FBXL16: variants seen among roughly 807,000 people sequenced by gnomAD.
FBXL16 encodes F-box and leucine rich repeat protein 16, also known as F-box/LRR-repeat protein 16.
In FBXL16, 7 loss-of-function variants were observed where a neutral mutation model predicts 36.7. The observed-to-expected ratio is 0.19, with a 90% CI of 0.11 to 0.36. FBXL16 has a LOEUF of 0.36. Among genes scored for constraint, FBXL16 ranks in the 10% least tolerant of loss-of-function variants. The probability of loss-of-function intolerance (pLI) is 1.00; values close to 1 mark genes in which losing one functional copy is unlikely to be tolerated. For synonymous variants in FBXL16, 355 were observed against 308.7 expected, an observed-to-expected ratio of 1.15 and a Z score of -1.57; for missense variants, 463 against 659.4, an observed-to-expected ratio of 0.70 and a Z score of 3.26.
intron 2 of FBXL16, 121 bp downstream of exon 2, chr16:696,652 G>A (rs2040013569): frequency 2.0e-6 from 1 of 512,812 alleles, no homozygotes; most frequent in Non-Finnish European, 2.6e-6. Context: ...TTTGCGCGAG[G>A]TCCCCTGTAG....
Position 705,509 on chromosome 16 carries a change from TA to T in FBXL16, c.-15+2del, listed in dbSNP as rs1167403297. On this transcript the variant is annotated splice_donor_variant, in intron 1 of 5. Transcript: ENST00000397621. LOFTEE classifies it low-confidence loss of function (5UTR_SPLICE). ...CCGCAGCCCGGCCGCACGCGCACCT[TA>T]CCTCGGCCCGGGCTCCTGGCTCATG... 1 of 143,902 alleles carries T rather than the reference TA, an allele frequency of 6.9e-6. No homozygotes were observed. The highest frequency in any genetic ancestry group is 1.5e-5 in the Non-Finnish European group (1 of 65,628). The allele number at this position is 143,902 out of a possible 1,614,324, so 8.9% of individuals were successfully genotyped here.
intron 1 of FBXL16, among the ~76,000 whole-genome samples, chr16:704,192 G>A (rs1394301827): frequency 1.3e-5 from 2 of 152,224 alleles, no homozygotes; most frequent in African/African-American, 4.8e-5. Flanking sequence ...AGCAACACAA[G>A]GCTTCCTGGG....
chr16:700,615 G>T (rs1235184113), intron 1 of FBXL16, among the ~76,000 whole-genome samples: 2 of 152,140 alleles, frequency 1.3e-5, no homozygotes, highest in Non-Finnish European at 2.9e-5. Flanking sequence ...AGGGGATATC[G>T]CAGGATGCCG....
intron 1 of FBXL16, among the ~76,000 whole-genome samples, chr16:700,036 G>A (rs1046736290): frequency 6.6e-6 from 1 of 152,122 alleles, no homozygotes; most frequent in Non-Finnish European, 1.5e-5. Context: ...TGGTCAGGGG[G>A]GAGGGGAGGC....
chr16:694,659 C>T lies in FBXL16; in HGVS notation c.1266G>A (p.Gly422=), dbSNP rs1258825759. 2 of 1,610,118 alleles carry T rather than the reference C, an allele frequency of 1.2e-6. No individual in the cohort carries two copies. The highest frequency in any genetic ancestry group is 1.7e-5 in the Admixed American group (1 of 59,672). ...DFGLKHLLAL[G]SLRLLSLAGC... is the part of the protein sequence containing the mutation. ...CTGCCAGAGACAGGAGGCGCAAACT[C>T]CCCAGGGCCAGGAGGTGCTTCAGCC... The change falls in exon 5 of 6, where the codon GGG becomes GGA. Residue 422 remains glycine (G), a synonymous_variant. Coordinates refer to ENST00000397621, the MANE Select transcript of FBXL16 (RefSeq NM_153350.4).
intron 1 of FBXL16, among the ~76,000 whole-genome samples, chr16:702,506 C>T (rs528230797): frequency 6.2e-4 from 94 of 152,270 alleles, no homozygotes; most frequent in Non-Finnish European, 1.0e-3. Flanking sequence ...TCTGCATGTT[C>T]GCGGAATGAA....
At chr16:696,648 C>T (rs1243281815) in intron 2 of FBXL16, 125 bp downstream of exon 2, 11 of 949,796 alleles carry the variant, frequency 1.2e-5, no homozygotes, top group East Asian at 7.2e-5. Context: ...TCGCTTTGCG[C>T]GAGGTCCCCT....
rs371900283 is a variant in FBXL16, at chr16:696,992, C to T, written c.414G>A (p.Thr138=). Residue 138 remains threonine, a synonymous_variant, in exon 2 of 6, where the codon ACG becomes ACA. Transcript: ENST00000397621. ...LYQPKFWAGL[T]PVLHAKELYN... ...AGAGCTCCTTGGCATGCAGCACCGG[C>T]GTGAGGCCTGCCCAGAACTTGGGCT... 2.8e-5 allele frequency: 45 copies of T among 1,595,032 alleles called. No homozygotes were observed. Among genetic ancestry groups the T allele is most frequent in the African/African-American group, 9.4e-5 (7 of 74,528 alleles).
intron 1 of FBXL16, among the ~76,000 whole-genome samples, chr16:701,781 G>A (rs547189486): frequency 3.9e-5 from 6 of 152,336 alleles, no homozygotes; most frequent in African/African-American, 7.2e-5. Flanking sequence ...GTGCTAATAC[G>A]GGGAAGAGAC....
Position 692,569 on chromosome 16 carries a change from T to C in FBXL16, c.*1706A>G, listed in dbSNP as rs2039979035. The C allele has an allele frequency of 6.6e-6, 1 of 152,434 alleles. No homozygotes were observed. The highest frequency in any genetic ancestry group is 2.1e-4 in the South Asian group (1 of 4,836). 9.4% of individuals were successfully genotyped at this position (152,434 alleles called of 1,614,324 possible). On this transcript the variant is annotated 3_prime_UTR_variant, in exon 6 of 6. Coordinates refer to ENST00000397621, the MANE Select transcript of FBXL16 (RefSeq NM_153350.4). The stretch of plus-strand genomic sequence containing the variant: ...GTGATAAAATAGCACAAGAAACACT[T>C]ACCAAATATAAGGTTATATCTTCCG...
rs1160408796 is a variant in FBXL16 at position 693,238 on chromosome 16, G to C, written c.*1037C>G. On this transcript the variant is annotated 3_prime_UTR_variant, in exon 6 of 6. Transcript: ENST00000397621. The stretch of plus-strand genomic sequence containing the variant: ...TCCTCGGGGTGTCTAGGGTGTGCTG[G>C]CCACTGGAAGATTGGAGTCGCTGAC... The C allele has an allele frequency of 6.6e-6, 1 of 152,288 alleles. No individual in the cohort carries two copies. Among genetic ancestry groups the C allele is most frequent in the East Asian group, 1.9e-4 (1 of 5,186 alleles). The allele number at this position is 152,288 out of a possible 1,614,324, so 9.4% of individuals were successfully genotyped here. A position where few individuals can be genotyped will look rare whatever the true frequency, so the allele number is the denominator to read the frequency against.
intron 5 of FBXL16, 38 bp downstream of exon 5, chr16:694,596 G>A (rs758015571): frequency 6.3e-7 from 1 of 1,585,358 alleles, no homozygotes. Context: ...GGGGGTGGGT[G>A]GTCACTGCCA....
intron 1 of FBXL16, among the ~76,000 whole-genome samples, chr16:700,767 G>A (rs974128050): frequency 2.0e-5 from 3 of 152,144 alleles, no homozygotes; most frequent in Non-Finnish European, 4.4e-5. Context: ...GACCCCGCCG[G>A]CCGGCGCGCC....
chr16:702,774 C>T (rs929944445), intron 1 of FBXL16, among the ~76,000 whole-genome samples: 6 of 152,172 alleles, frequency 3.9e-5, no homozygotes, highest in Non-Finnish European at 8.8e-5. Flanking sequence ...GACCCCAGGG[C>T]TGGGGTGGGC....
In FBXL16 at chr16:694,494, T is replaced by C; in HGVS notation, c.1292-71A>G. The stretch of plus-strand genomic sequence containing the variant: ...CGGGCGGGGACGGCCGGGCCGCGCC[T>C]CCCTCCTCCTCCGCCTCGGACCCGG... On this transcript the variant is annotated intron_variant, in intron 5 of 5. Transcript: ENST00000397621. The C allele has an allele frequency of 2.7e-6, 4 of 1,487,346 alleles. No homozygotes were observed. In the Admixed American group the frequency reaches 8.7e-5, roughly 32 times the overall value. The allele number at this position is 1,487,346 out of a possible 1,614,324, so 92.1% of individuals were successfully genotyped here.
intron 1 of FBXL16, among the ~76,000 whole-genome samples, chr16:702,325 T>G (rs769920872): frequency 8.5e-5 from 13 of 152,052 alleles, no homozygotes; most frequent in Non-Finnish European, 1.5e-4. Context: ...TTCTCCTCCA[T>G]CCCTCAGTTC....
rs1241347636 is a variant in FBXL16, at chr16:695,516, C to T, written c.1041G>A (p.Lys347=). ...ACCACGAGAGGTCAAGGCTGCGCAGCTTGCGCAGGTTCTCGGCCACGAGCT... is the reference window on the plus strand; with the variant it reads ...ACCACGAGAGGTCAAGGCTGCGCAGTTTGCGCAGGTTCTCGGCCACGAGCT... The part of the protein sequence containing the change: ...GVELVAENLR[K]LRSLDLSWCP... Residue 347 remains lysine (K), a synonymous_variant, in exon 3 of 6, where the codon AAG becomes AAA. Coordinates refer to ENST00000397621, the MANE Select transcript of FBXL16 (RefSeq NM_153350.4). 3 of 1,597,184 alleles carry T rather than the reference C, an allele frequency of 1.9e-6. No individual in the cohort carries two copies. The highest frequency in any genetic ancestry group is 2.5e-6 in the Non-Finnish European group (3 of 1,177,516).
chr16:701,259 C>T (rs1005849923), intron 1 of FBXL16, among the ~76,000 whole-genome samples: 2 of 152,166 alleles, frequency 1.3e-5, no homozygotes, highest in Non-Finnish European at 2.9e-5. Context: ...TGGCTTCCCT[C>T]ATCCACACCC....
In FBXL16 at chr16:696,935, G is replaced by T; in HGVS notation, c.471C>A (p.Phe157Leu). Residue 157 changes from phenylalanine to leucine, a missense_variant, in exon 2 of 6, where the codon TTC (phenylalanine) becomes TTA (leucine). This residue lies in a region of FBXL16 where 263 missense variants were observed against 341.1 expected (regional missense o/e 0.77). Transcript: ENST00000397621. Reference sequence around the variant, plus strand: ...TGGCGGCAAAACCCTGCAGGTTCACGAACTCCTTCTCGCCACCAGGCAGCA... The same window carrying T: ...TGGCGGCAAAACCCTGCAGGTTCACTAACTCCTTCTCGCCACCAGGCAGCA... ...YNVLPGGEKE[F>L]VNLQGFAARG... The T allele has an allele frequency of 6.2e-7, 1 of 1,607,102 alleles. No individual in the cohort carries two copies. The highest frequency in any genetic ancestry group is 2.2e-5 in the East Asian group (1 of 44,788).
Sources: gnomAD v4.1 joint callset for allele counts (sites outside exome capture counted in the v4.1 genomes callset) on GRCh38, gnomAD v4.1.1 for gene constraint, gnomAD v4.1.1 regional missense constraint, MANE v1.5 for transcripts, NCBI Gene and HGNC (gene_info 2026-07-23, HGNC 2026-07-21) for gene names.